Variants in PCDHGA9 observed in about 807,000 individuals in gnomAD.
The protein encoded by PCDHGA9 is protocadherin gamma-A9.
A neutral mutation model predicts 62.5 loss-of-function variants in PCDHGA9; 37 were observed. The observed-to-expected ratio is 0.59, with a 90% CI of 0.46 to 0.78. PCDHGA9 has a LOEUF of 0.78. Among genes scored for constraint, PCDHGA9 ranks in the 30% least tolerant of loss-of-function variants. The pLI, the probability that PCDHGA9 is intolerant of heterozygous loss-of-function variation, is 0.00. For missense variants in PCDHGA9, 1,138 were observed against 1,166.2 expected (o/e 0.98, Z 0.35); for synonymous variants, 459 against 484.6 (o/e 0.95, Z 0.69).
chr5:141,408,889 A>G, intron 1 of PCDHGA9: 1 of 1,613,232 alleles, frequency 6.2e-7, no homozygotes, highest in Non-Finnish European at 8.5e-7. Flanking sequence ...CTCACATAGA[A>G]ATTTCTGTCA....
intron 1 of PCDHGA9, chr5:141,413,949 T>C (rs1291474416): frequency 6.2e-7 from 1 of 1,613,218 alleles, no homozygotes; most frequent in African/African-American, 1.3e-5. Context: ...TTCCTGAGAA[T>C]TTGCCTGTGG....
chr5:141,492,332 G>A (rs2099739439), intron 1 of PCDHGA9, among the ~76,000 whole-genome samples: 1 of 152,204 alleles, frequency 6.6e-6, no homozygotes. Flanking sequence ...GGGCTTACGC[G>A]AATACCAGCT....
At chr5:141,505,345 G>C (rs776607130) in intron 2 of PCDHGA9, 48 bp from the exon 3 acceptor site, 3 of 1,613,086 alleles carry the variant, frequency 1.9e-6, no homozygotes, top group Non-Finnish European at 2.5e-6. Flanking sequence ...AGGGGCATGA[G>C]CTGTGCCGGC....
At chr5:141,420,006 G>T in intron 1 of PCDHGA9, 1 of 1,614,052 alleles carries the variant, frequency 6.2e-7, no homozygotes, top group Non-Finnish European at 8.5e-7. Flanking sequence ...CTACGCCTGC[G>T]ACAGTCTTTC....
intron 2 of PCDHGA9, among the ~76,000 whole-genome samples, chr5:141,500,359 C>T (rs2099799599): frequency 6.6e-6 from 1 of 152,032 alleles, no homozygotes; most frequent in Non-Finnish European, 1.5e-5. Flanking sequence ...CAGGCGCCCA[C>T]TACCACGCCC....
At chr5:141,410,022 A>C (rs557770094) in intron 1 of PCDHGA9, 2 of 1,613,094 alleles carry the variant, frequency 1.2e-6, no homozygotes, top group South Asian at 2.2e-5. Context: ...CTGTCCTACC[A>C]CGTGCTGCAG....
chr5:141,490,869 A>G lies in PCDHGA9; in HGVS notation c.2425-3938A>G, dbSNP rs764138126. ...GGGTTCGAGACTCCGGCTCTCCCCCATTGCATGCCAACACATCTCTGCATG... is the reference window on the plus strand; with the variant it reads ...GGGTTCGAGACTCCGGCTCTCCCCCGTTGCATGCCAACACATCTCTGCATG... On this transcript the variant is annotated intron_variant, in intron 1 of 3. Transcript: ENST00000573521. This position sits in a 1 kb window ranked among gnomAD's most constrained non-coding sequence, Gnocchi z 5.4. 4.3e-6 allele frequency: 7 copies of G among 1,613,784 alleles called. No homozygotes were observed. The highest frequency in any genetic ancestry group is 1.7e-5 in the Admixed American group (1 of 60,004).
At chr5:141,422,950 G>A (rs1388735971) in intron 1 of PCDHGA9, 2 of 1,614,230 alleles carry the variant, frequency 1.2e-6, no homozygotes, top group South Asian at 1.1e-5. Flanking sequence ...CGGCTCCACT[G>A]GCGTGGAGCT....
chr5:141,493,641 G>A lies in PCDHGA9; in HGVS notation c.2425-1166G>A, dbSNP rs547664603. Among the ~76,000 whole-genome samples, 2 of 152,240 alleles carry A rather than the reference G, an allele frequency of 1.3e-5. No individual in the cohort carries two copies. The highest frequency in any genetic ancestry group is 3.9e-4 in the East Asian group (2 of 5,172). On this transcript the variant is annotated intron_variant, in intron 1 of 3. Coordinates refer to ENST00000573521, the MANE Select transcript of PCDHGA9 (RefSeq NM_018921.3). The surrounding 1 kb of genome is among the most constrained non-coding windows in gnomAD (Gnocchi z 4.3). The stretch of plus-strand genomic sequence containing the variant: ...CTAAGAATACAGTGGCTGAGGGCTG[G>A]CCATCCCTGTGCCCTTCTCCATGGC...
intron 1 of PCDHGA9, among the ~76,000 whole-genome samples, chr5:141,444,095 T>C (rs1012556994): frequency 2.0e-5 from 3 of 150,676 alleles, no homozygotes; most frequent in Admixed American, 1.3e-4. Flanking sequence ...CTGCTAAGGA[T>C]TGGAAACCAA....
intron 1 of PCDHGA9, chr5:141,414,379 A>G (rs2095740987): frequency 1.2e-6 from 2 of 1,613,912 alleles, no homozygotes; most frequent in African/African-American, 1.3e-5. Context: ...AGAAAAGTCC[A>G]TTGACAGTTA....
chr5:141,474,970 A>G (rs1309289477), intron 1 of PCDHGA9, among the ~76,000 whole-genome samples: 4 of 152,212 alleles, frequency 2.6e-5, no homozygotes, highest in African/African-American at 9.6e-5. Context: ...TAATCATTAT[A>G]ATTTTGTTTG....
At chr5:141,504,545 TGTTGGGGG>T in intron 2 of PCDHGA9, among the ~76,000 whole-genome samples, 1 of 151,524 alleles carries the variant, frequency 6.6e-6, no homozygotes, top group South Asian at 2.1e-4. Flanking sequence ...TCATGGCAAA[TGTTGGGGG>T]ACTGGCATTC....
chr5:141,417,936 A>G (rs1266177574), intron 1 of PCDHGA9: 3 of 1,612,080 alleles, frequency 1.9e-6, no homozygotes, highest in Non-Finnish European at 1.7e-6. Flanking sequence ...CCTTTGTTCT[A>G]CCCCACGCTG....
rs766133958 is a variant in PCDHGA9, at chr5:141,403,000, A to G, written c.48A>G (p.Leu16=). 27 of 1,613,862 alleles carry G rather than the reference A, an allele frequency of 1.7e-5. No individual in the cohort carries two copies. Among genetic ancestry groups the G allele is most frequent in the Middle Eastern group, 1.6e-4 (1 of 6,082 alleles). ...AGCTCCGCGGAAGATTAGTCCTGCT[A>G]TGCTCGCTCCTGGGGATGCTATGGG... ...KCQLRGRLVL[L]CSLLGMLWEA... Residue 16 remains leucine (L), a synonymous_variant, in exon 1 of 4, where the codon CTA becomes CTG. Transcript: ENST00000573521.
chr5:141,419,311 C>T (rs745852942), intron 1 of PCDHGA9: 4 of 1,613,876 alleles, frequency 2.5e-6, no homozygotes, highest in East Asian at 4.5e-5. Context: ...TCGGGCTCAA[C>T]GGCCGTGTCT....
chr5:141,505,326 G>A, intron 2 of PCDHGA9, 67 bp from the exon 3 acceptor site: 2 of 1,607,648 alleles, frequency 1.2e-6, no homozygotes, highest in East Asian at 2.2e-5. Context: ...AGCCCTGGGA[G>A]AGGACAGGAG....
chr5:141,432,763 C>T lies in PCDHGA9; in HGVS notation c.2424+27387C>T. The T allele has an allele frequency of 6.2e-7, 1 of 1,614,152 alleles. No homozygotes were observed. The highest frequency in any genetic ancestry group is 8.5e-7 in the Non-Finnish European group (1 of 1,180,004). ...TCACCGTGGCCGTGGCCGACAGCAT[C>T]CCCCAAGTCCTGGCGGACCTCGGCA... On this transcript the variant is annotated intron_variant, in intron 1 of 3. Transcript: ENST00000573521. This position sits in a 1 kb window ranked among gnomAD's most constrained non-coding sequence, Gnocchi z 6.0.
chr5:141,408,071 T>C, intron 1 of PCDHGA9: 4 of 1,384,774 alleles, frequency 2.9e-6, no homozygotes, highest in Non-Finnish European at 2.9e-6. Context: ...GCGCAGACCT[T>C]TCCCAGCACA....
Sources: gnomAD v4.1 joint callset for allele counts (sites outside exome capture counted in the v4.1 genomes callset) on GRCh38, gnomAD v4.1.1 for gene constraint, Gnocchi (gnomAD v3.1) non-coding constraint, MANE v1.5 for transcripts, NCBI Gene and HGNC (gene_info 2026-07-23, HGNC 2026-07-21) for gene names.